GRID2: variants seen among roughly 807,000 people sequenced by gnomAD.
GRID2 encodes glutamate receptor ionotropic, delta-2.
A neutral mutation model predicts 114.8 loss-of-function variants in GRID2; 33 were observed. That is an observed-to-expected ratio of 0.29 (90% CI 0.22 to 0.38). The LOEUF (loss-of-function observed/expected upper bound fraction) is 0.38, where lower values mean the gene tolerates loss of function less well. Ranked by LOEUF, GRID2 falls within the 10% of genes least tolerant of loss-of-function variation. The pLI, the probability that GRID2 is intolerant of heterozygous loss-of-function variation, is 1.00. For synonymous variants in GRID2, 505 were observed against 449.9 expected (o/e 1.12, Z -1.55); for missense variants, 1,184 against 1,257.7 (o/e 0.94, Z 0.89).
chr4:92,374,372 A>G (rs879556402), intron 1 of GRID2, among the ~76,000 whole-genome samples: 18 of 152,058 alleles, frequency 1.2e-4, no homozygotes, highest in Non-Finnish European at 2.4e-4. Flanking sequence ...TTTTAAATCT[A>G]CTTGTAAGCT....
rs113584784 is a variant in GRID2, at chr4:93,184,632, C to T, written c.736-22772C>T. 3.2e-3 allele frequency among the ~76,000 whole-genome samples: 489 copies of T among 152,112 alleles called. 6 individuals carry two copies. The highest frequency in any genetic ancestry group is 0.011 in the African/African-American group (462 of 41,520). On this transcript the variant is annotated intron_variant, in intron 4 of 15. Transcript: ENST00000282020. ...GGTGCAGTGGCTCACGCCTGTAATC[C>T]CAGCACTTTGGGAGTCCAAGGTGGG...
intron 2 of GRID2, among the ~76,000 whole-genome samples, chr4:93,042,299 C>CTCTCTATA (rs1322225581): frequency 1.4e-4 from 14 of 102,660 alleles, no homozygotes; most frequent in Admixed American, 1.3e-3. Context: ...CTCTCTCTCT[C>CTCTCTATA]TATATATATA....
intron 1 of GRID2, among the ~76,000 whole-genome samples, chr4:92,322,111 GTTTA>G (rs1726345628): frequency 6.6e-6 from 1 of 152,146 alleles, no homozygotes; most frequent in Non-Finnish European, 1.5e-5. Context: ...AGGGTTCCCT[GTTTA>G]TCCCTGTTCC....
intron 1 of GRID2, among the ~76,000 whole-genome samples, chr4:92,419,182 A>G (rs560745278): frequency 2.0e-5 from 3 of 152,144 alleles, no homozygotes; most frequent in Non-Finnish European, 2.9e-5. Flanking sequence ...CTGTACTCTA[A>G]TCAGTCTACC....
intron 9 of GRID2, among the ~76,000 whole-genome samples, chr4:93,404,508 G>T (rs1376176662): frequency 6.6e-6 from 1 of 152,038 alleles, no homozygotes; most frequent in African/African-American, 2.4e-5. Context: ...TAAACTCTAT[G>T]ATTCTGTTTC....
chr4:92,625,731 T>C (rs1445101866), intron 2 of GRID2, among the ~76,000 whole-genome samples: 1 of 151,960 alleles, frequency 6.6e-6, no homozygotes, highest in African/African-American at 2.4e-5. Flanking sequence ...TTTACAACGA[T>C]GTCTGGTACA....
intron 2 of GRID2, among the ~76,000 whole-genome samples, chr4:92,707,293 T>G (rs536571373): frequency 6.6e-6 from 1 of 152,288 alleles, no homozygotes; most frequent in South Asian, 2.1e-4. Context: ...TGGGCACATT[T>G]CTTTGGTAGA....
At chr4:93,644,925 G>C (rs1458041833) in intron 14 of GRID2, among the ~76,000 whole-genome samples, 1 of 152,144 alleles carries the variant, frequency 6.6e-6, no homozygotes, top group Non-Finnish European at 1.5e-5. Context: ...AGACGAGAGA[G>C]TACCACATAG....
chr4:93,718,087 C>G (rs1262671810), intron 14 of GRID2, among the ~76,000 whole-genome samples: 3 of 151,966 alleles, frequency 2.0e-5, no homozygotes, highest in African/African-American at 7.2e-5. Context: ...AACCTGGTCT[C>G]TACTAAAAAT....
intron 10 of GRID2, among the ~76,000 whole-genome samples, chr4:93,451,747 G>A (rs1722707478): frequency 6.6e-6 from 1 of 152,044 alleles, no homozygotes. Context: ...GAAATGAATG[G>A]ATATTAGGAT....
At chr4:92,424,420 C>A (rs1732055364) in intron 1 of GRID2, among the ~76,000 whole-genome samples, 1 of 151,934 alleles carries the variant, frequency 6.6e-6, no homozygotes, top group African/African-American at 2.4e-5. Context: ...ATGACCAACT[C>A]CTTTGGATAA....
chr4:93,765,273 C>T (rs1474036948), intron 14 of GRID2, among the ~76,000 whole-genome samples: 1 of 152,086 alleles, frequency 6.6e-6, no homozygotes, highest in African/African-American at 2.4e-5. Flanking sequence ...CACTTTCATT[C>T]CCTTCCAACA....
chr4:92,378,156 A>G (rs1001022923), intron 1 of GRID2, among the ~76,000 whole-genome samples: 1 of 152,068 alleles, frequency 6.6e-6, no homozygotes, highest in Non-Finnish European at 1.5e-5. Context: ...GACTTTTCCA[A>G]GGTAAAGTAC....
chr4:93,510,490 G>C (rs933016054), intron 12 of GRID2, among the ~76,000 whole-genome samples: 3 of 152,132 alleles, frequency 2.0e-5, no homozygotes, highest in African/African-American at 7.2e-5. Context: ...CAGTTTTAGA[G>C]ATGTGTTTTT....
intron 2 of GRID2, among the ~76,000 whole-genome samples, chr4:92,683,373 A>G (rs1449550623): frequency 3.3e-5 from 5 of 152,148 alleles, no homozygotes; most frequent in Non-Finnish European, 7.4e-5. Flanking sequence ...AACAAATATG[A>G]GCATATCAGC....
chr4:93,675,866 T>A (rs1724808010), intron 14 of GRID2, among the ~76,000 whole-genome samples: 1 of 152,236 alleles, frequency 6.6e-6, no homozygotes, highest in African/African-American at 2.4e-5. Flanking sequence ...TAATAATGGC[T>A]TATACTTTCC....
At chr4:93,229,660 G>A (rs1466148821) in intron 7 of GRID2, among the ~76,000 whole-genome samples, 1 of 152,098 alleles carries the variant, frequency 6.6e-6, no homozygotes. Context: ...TTAAAAATCC[G>A]TGTGCTGCTG....
At chr4:93,196,871 C>A (rs1414672782) in intron 4 of GRID2, among the ~76,000 whole-genome samples, 2 of 152,058 alleles carry the variant, frequency 1.3e-5, no homozygotes, top group African/African-American at 4.8e-5. Flanking sequence ...GTGTCAGGTG[C>A]AAATACTTCT....
intron 2 of GRID2, among the ~76,000 whole-genome samples, chr4:92,781,433 C>A (rs1739069424): frequency 6.6e-6 from 1 of 152,138 alleles, no homozygotes; most frequent in Non-Finnish European, 1.5e-5. Context: ...TAAGTTTATA[C>A]ACTTATTTCC....
Sources: gnomAD v4.1 joint callset for allele counts (sites outside exome capture counted in the v4.1 genomes callset) on GRCh38, gnomAD v4.1.1 for gene constraint, MANE v1.5 for transcripts, NCBI Gene and HGNC (gene_info 2026-07-23, HGNC 2026-07-21) for gene names.